MYBPC3: variants seen among roughly 807,000 people sequenced by gnomAD.
The protein encoded by MYBPC3 is myosin binding protein C3, also known as myosin-binding protein C, cardiac-type.
A neutral mutation model predicts 159.3 loss-of-function variants in MYBPC3; 108 were observed. The ratio of observed to expected loss-of-function variants is 0.68; its 90% CI spans 0.58 to 0.80. The LOEUF (loss-of-function observed/expected upper bound fraction) is 0.80. Ranked by LOEUF, MYBPC3 falls within the 30% of genes least tolerant of loss-of-function variation. MYBPC3 has a pLI of 0.00. For missense variants in MYBPC3, 1,631 were observed against 1,762.1 expected (o/e 0.93, Z 1.33); for synonymous variants, 730 against 702.0 (o/e 1.04, Z -0.63).
chr11:47,343,289 T>G, intron 13 of MYBPC3, 27 bp from the exon 14 acceptor site: 2 of 1,541,826 alleles, frequency 1.3e-6, no homozygotes, highest in Non-Finnish European at 1.7e-6. Context: ...GCCGTTGAAG[T>G]GTTCCCGACG....
In MYBPC3 at chr11:47,350,495, C is replaced by T. The variant is rs1244301496; in HGVS notation, c.406+7G>A. On this transcript the variant is annotated splice_region_variant and intron_variant, in intron 3 of 34. Coordinates refer to ENST00000545968, the MANE Select transcript of MYBPC3 (RefSeq NM_000256.3). ...GATCCTGCCCCTCCCTGCCCAGCCC[C>T]TCTCACCTTTGGGACTTGGGGCACT... 4.5e-6 allele frequency: 7 copies of T among 1,554,792 alleles called. No homozygotes were observed. The highest frequency in any genetic ancestry group is 2.7e-5 in the African/African-American group (2 of 72,826).
rs2095889363 is a variant in MYBPC3, at chr11:47,342,174, G to A, written c.1625-18C>T. 1 of 1,612,098 alleles carries A rather than the reference G, an allele frequency of 6.2e-7. No homozygotes were observed. The highest frequency in any genetic ancestry group is 1.3e-5 in the African/African-American group (1 of 74,948). ...CTTCTTTTCTGCAGGGCAGGGCAGA[G>A]CCATTGAGCTCGGGAGGGTGTGTGG... On this transcript the variant is annotated intron_variant, in intron 17 of 34. Transcript: ENST00000545968.
At chr11:47,334,716 C>T (rs2095880577) in intron 27 of MYBPC3, among the ~76,000 whole-genome samples, 1 of 152,150 alleles carries the variant, frequency 6.6e-6, no homozygotes, top group Non-Finnish European at 1.5e-5. Flanking sequence ...GCACGCGCCA[C>T]CACACCTGGC....
In MYBPC3 at chr11:47,337,554, C is replaced by G. The variant is rs727505264; in HGVS notation, c.2439G>C (p.Lys813Asn). The G allele has an allele frequency of 3.1e-6, 5 of 1,613,996 alleles. No homozygotes were observed. The Admixed American group carries it at 8.3e-5, about 27-fold the overall frequency. ...ILGYILERKK[K>N]KSYRWMRLNF... is the part of the protein sequence containing the mutation. ...TCAGCCGCATCCACCGGTAGCTCTT[C>G]TTCTTCTTGCGCTCCAGGATGTAGC... The change falls in exon 25 of 35, where the codon AAG becomes AAC. Residue 813 changes from lysine to asparagine, a missense_variant. Transcript: ENST00000545968.
At chr11:47,348,647 T>C (rs2095897037) in intron 5 of MYBPC3, 106 bp from the exon 6 acceptor site, 3 of 786,166 alleles carry the variant, frequency 3.8e-6, no homozygotes, top group Non-Finnish European at 5.9e-6. Context: ...GGCTCAGGCC[T>C]GTAATCCCCA....
intron 5 of MYBPC3, among the ~76,000 whole-genome samples, chr11:47,348,908 T>TTATATATACATATATATATATATATATA (rs1555123224): frequency 2.5e-5 from 1 of 39,884 alleles, no homozygotes; most frequent in African/African-American, 7.6e-5. Flanking sequence ...CTGTCTCAAA[T>TTATATATACATATATATATATATATATA]TATATATATA....
chr11:47,349,027 G>A (rs966318101), intron 5 of MYBPC3, among the ~76,000 whole-genome samples: 38 of 149,468 alleles, frequency 2.5e-4, no homozygotes, highest in African/African-American at 8.1e-4. Context: ...GGACTATCTC[G>A]AAACCCATGA....
At chr11:47,343,193 C>T in intron 14 of MYBPC3, 48 bp from the exon 15 acceptor site, 1 of 1,596,864 alleles carries the variant, frequency 6.3e-7, no homozygotes, top group Non-Finnish European at 8.5e-7. Flanking sequence ...GGACACCCCT[C>T]CGGGCCCAGT....
rs774699934 is a variant in MYBPC3, at chr11:47,332,030, G to A, written c.3814+42C>T. 20 of 1,601,268 alleles carry A rather than the reference G, an allele frequency of 1.2e-5. No individual in the cohort carries two copies. The East Asian group carries it at 1.3e-4, about 11-fold the overall frequency. ...AAGCCCAGGGTCCCCACTGCCGCCC[G>A]CTCTTCCCATCTCCCAGGCCCTGGC... On this transcript the variant is annotated intron_variant, in intron 33 of 34. Transcript: ENST00000545968. This position sits in a 1 kb window ranked among gnomAD's most constrained non-coding sequence, Gnocchi z 4.2.
rs1471686460 is a variant in MYBPC3 at position 47,346,319 on chromosome 11, C to T, written c.978G>A (p.Arg326=). Residue 326 remains arginine, a synonymous_variant, in exon 12 of 35, where the codon CGG becomes CGA. Coordinates refer to ENST00000545968, the MANE Select transcript of MYBPC3 (RefSeq NM_000256.3). This position sits in a 1 kb window ranked among gnomAD's most constrained non-coding sequence, Gnocchi z 5.3. ...PAEEDVWEIL[R]QAPPSEYERI... ...GCTCGTACTCAGATGGGGGTGCCTG[C>T]CGTAGGATCTCCCACACGTCCTCCT... is the stretch of plus-strand genomic sequence containing the variant. The T allele has an allele frequency of 1.2e-6, 2 of 1,611,752 alleles. No homozygotes were observed. The highest frequency in any genetic ancestry group is 1.7e-6 in the Non-Finnish European group (2 of 1,178,916).
intron 12 of MYBPC3, 31 bp from the exon 13 acceptor site, chr11:47,343,655 C>A: frequency 1.3e-6 from 2 of 1,567,020 alleles, no homozygotes; most frequent in South Asian, 2.4e-5. Flanking sequence ...CCGGCCACCC[C>A]ACCGCCCGCA....
rs1469570175 is a variant in MYBPC3 at position 47,346,765 on chromosome 11, ACTCCCTGTGTTGTGGGGCACCCATGCTG to A, written c.909-149_909-122del. On this transcript the variant is annotated intron_variant, in intron 10 of 34. Coordinates refer to ENST00000545968, the MANE Select transcript of MYBPC3 (RefSeq NM_000256.3). The surrounding 1 kb of genome is among the most constrained non-coding windows in gnomAD (Gnocchi z 5.3). ...CTTCCTCCCTATTTTCCGCACTTGC[ACTCCCTGTGTTGTGGGGCACCCATGCTG>A]CTCCGGAGGCTCTGGCAGGACCTCC... is the stretch of plus-strand genomic sequence containing the variant. 5.1e-5 allele frequency: 57 copies of A among 1,112,940 alleles called. No individual in the cohort carries two copies. Among genetic ancestry groups the A allele is most frequent in the Non-Finnish European group, 7.0e-5 (55 of 781,074 alleles). 68.9% of individuals were successfully genotyped at this position (1,112,940 alleles called of 1,614,324 possible).
chr11:47,352,421 G>C (rs1476034582), intron 1 of MYBPC3, among the ~76,000 whole-genome samples: 1 of 152,042 alleles, frequency 6.6e-6, no homozygotes, highest in Non-Finnish European at 1.5e-5. Flanking sequence ...CTGACCTTGG[G>C]TTTACCTTCA....
At chr11:47,350,460 C>A (rs1431540740) in intron 3 of MYBPC3, 42 bp downstream of exon 3, 9 of 1,542,424 alleles carry the variant, frequency 5.8e-6, no homozygotes, top group Non-Finnish European at 7.9e-6. Context: ...CTGGACACGC[C>A]CTACCCACGG....
chr11:47,335,793 A>C, intron 26 of MYBPC3, 84 bp downstream of exon 26: 1 of 1,272,464 alleles, frequency 7.9e-7, no homozygotes. Flanking sequence ...GGGCCTAAAA[A>C]ACTTGACTAC....
In MYBPC3 at chr11:47,351,683, C is replaced by A. The variant is rs2095901203; in HGVS notation, c.26-178G>T. Among the ~76,000 whole-genome samples, 3 of 152,190 alleles carry A rather than the reference C, an allele frequency of 2.0e-5. No individual in the cohort carries two copies. Among genetic ancestry groups the A allele is most frequent in the African/African-American group, 7.2e-5 (3 of 41,436 alleles). On this transcript the variant is annotated intron_variant, in intron 1 of 34. Transcript: ENST00000545968. This position sits in a 1 kb window ranked among gnomAD's most constrained non-coding sequence, Gnocchi z 4.2. ...CATTTCTCAGAGGAGGACACTGAGG[C>A]TCAGAGAAGCTAAGCGGCTCCTCCA... is the stretch of plus-strand genomic sequence containing the variant.
rs370631872 is a variant in MYBPC3 at position 47,333,375 on chromosome 11, A to G, written c.3191-42T>C. On this transcript the variant is annotated intron_variant, in intron 29 of 34. Transcript: ENST00000545968. ...CAGTTGGGTCACCACGCCTCCTGAC[A>G]GTGAGCAGGGGGTCACTGGCTCCAG... 3.4e-5 allele frequency: 52 copies of G among 1,523,514 alleles called. No homozygotes were observed. In the African/African-American group the frequency reaches 4.5e-4, roughly 13 times the overall value. The allele number at this position is 1,523,514 out of a possible 1,614,324, so 94.4% of individuals were successfully genotyped here.
Position 47,337,394 on chromosome 11 carries a change from T to C in MYBPC3, c.2599A>G (p.Ile867Val), listed in dbSNP as rs768339148. The change falls in exon 25 of 35, where the codon ATC (isoleucine) becomes GTC (valine). Residue 867 changes from isoleucine to valine, a missense_variant. Coordinates refer to ENST00000545968, the MANE Select transcript of MYBPC3 (RefSeq NM_000256.3). The stretch of plus-strand genomic sequence containing the variant: ...GGACCAGGCCAGGCAGGCTCACCGA[T>C]AGGCATGAAGGGCTGGGAGGCAGGG... ...PSPASQPFMP[I>V]GPPSEPTHLA... 7.6e-6 allele frequency: 12 copies of C among 1,583,802 alleles called. No individual in the cohort carries two copies. Among genetic ancestry groups the C allele is most frequent in the Middle Eastern group, 1.7e-4 (1 of 5,938 alleles).
chr11:47,333,498 C>CCA (rs2095879322), intron 29 of MYBPC3, 59 bp downstream of exon 29: 1 of 1,590,164 alleles, frequency 6.3e-7, no homozygotes, highest in South Asian at 1.1e-5. Flanking sequence ...ACCCTTGGCC[C>CCA]CAGCAGCCCA....
Sources: allele counts gnomAD v4.1 joint callset (sites outside exome capture counted in the v4.1 genomes callset), GRCh38; gene constraint gnomAD v4.1.1; non-coding constraint Gnocchi (gnomAD v3.1); transcripts MANE v1.5; gene names NCBI Gene and HGNC (gene_info 2026-07-23, HGNC 2026-07-21).